Variants in TP53INP1 observed in about 807,000 individuals in gnomAD.
The protein encoded by TP53INP1 is tumor protein p53-inducible nuclear protein 1.
Under a neutral mutation model 21.0 loss-of-function variants are expected in TP53INP1, and 12 were observed. The observed-to-expected ratio is 0.57, with a 90% confidence interval of 0.37 to 0.93. The LOEUF is 0.93. Among genes scored for constraint, TP53INP1 ranks in the 40% least tolerant of loss-of-function variants. The probability of loss-of-function intolerance (pLI) is 0.01; values close to 1 mark genes in which losing one functional copy is unlikely to be tolerated. For synonymous variants in TP53INP1, 91 were observed against 94.8 expected, an observed-to-expected ratio of 0.96 and a Z score of 0.23; for missense variants, 274 against 294.7, an observed-to-expected ratio of 0.93 and a Z score of 0.51.
At chr8:94,944,902 T>C (rs556228143) in intron 1 of TP53INP1, among the ~76,000 whole-genome samples, 42 of 152,296 alleles carry the variant, frequency 2.8e-4, no homozygotes, top group Non-Finnish European at 5.4e-4. Context: ...CTGGTTTAAC[T>C]AGCAAAGCCA....
chr8:94,944,846 C>T (rs1262194442), intron 1 of TP53INP1, among the ~76,000 whole-genome samples: 1 of 152,158 alleles, frequency 6.6e-6, no homozygotes, highest in Non-Finnish European at 1.5e-5. Flanking sequence ...GCTGAATCAC[C>T]TCGTCACTCT....
chr8:94,948,355 G>A (rs1374756891), intron 1 of TP53INP1, among the ~76,000 whole-genome samples: 2 of 152,136 alleles, frequency 1.3e-5, no homozygotes, highest in African/African-American at 2.4e-5. Flanking sequence ...GAATCAACTG[G>A]GGCGATAAAG....
At chr8:94,938,272 T>A (rs760124740) in intron 3 of TP53INP1, among the ~76,000 whole-genome samples, 1 of 152,356 alleles carries the variant, frequency 6.6e-6, no homozygotes, top group Admixed American at 6.5e-5. Flanking sequence ...AATGAATTAC[T>A]GACTGAATGG....
chr8:94,935,956 C>G (rs1563726465), intron 3 of TP53INP1, among the ~76,000 whole-genome samples: 1 of 152,194 alleles, frequency 6.6e-6, no homozygotes, highest in Non-Finnish European at 1.5e-5. Flanking sequence ...TGGGGACCAA[C>G]AGCACTGCCC....
intron 3 of TP53INP1, among the ~76,000 whole-genome samples, chr8:94,931,603 C>T (rs201910691): frequency 2.2e-4 from 9 of 40,844 alleles, no homozygotes; most frequent in Non-Finnish European, 1.5e-4. Flanking sequence ...CACACACACA[C>T]ACACACATAA....
intron 1 of TP53INP1, among the ~76,000 whole-genome samples, chr8:94,946,124 C>T (rs929083213): frequency 2.0e-4 from 30 of 151,046 alleles, no homozygotes; most frequent in African/African-American, 7.3e-4. Flanking sequence ...TTTTCTTCTA[C>T]ACATAAGGCT....
chr8:94,948,959 G>C (rs1045873399), intron 1 of TP53INP1, among the ~76,000 whole-genome samples, 195 bp downstream of exon 1: 3 of 150,742 alleles, frequency 2.0e-5, no homozygotes, highest in African/African-American at 4.8e-5. Context: ...GCCGAGGACC[G>C]ACCCACTGGG....
chr8:94,935,118 G>A (rs200589699), intron 3 of TP53INP1, among the ~76,000 whole-genome samples: 1 of 133,300 alleles, frequency 7.5e-6, no homozygotes, highest in South Asian at 2.5e-4. Flanking sequence ...TAGGTACATA[G>A]GTAGATAGAT....
intron 2 of TP53INP1, among the ~76,000 whole-genome samples, 168 bp from the exon 3 acceptor site, chr8:94,940,388 A>G (rs1172427163): frequency 6.6e-6 from 1 of 152,112 alleles, no homozygotes; most frequent in East Asian, 1.9e-4. Flanking sequence ...TATTTAGTTC[A>G]GAAAACCATT....
chr8:94,930,514 C>T lies in TP53INP1; in HGVS notation c.688G>A (p.Val230Ile). ...TACTGACGCGGGCAGGGCTGATGAA[C>T]AACCCAGCCATTGTGCTTGACTTGC... ...PRQVKHNGWVVHQPCPRQYNY is the reference protein window; with the variant it reads ...PRQVKHNGWVIHQPCPRQYNY Residue 230 changes from valine to isoleucine, a missense_variant, in exon 4 of 4, where the codon GTT (valine) becomes ATT (isoleucine). By Grantham distance (29) the Val-to-Ile change is conservative. Coordinates refer to ENST00000342697, the MANE Select transcript of TP53INP1 (RefSeq NM_033285.4). 6.2e-7 allele frequency: 1 copy of T among 1,614,206 alleles called. No homozygotes were observed. Among genetic ancestry groups the T allele is most frequent in the Non-Finnish European group, 8.5e-7 (1 of 1,180,042 alleles).
chr8:94,929,720 A>G lies in TP53INP1; in HGVS notation c.*759T>C, dbSNP rs1464123933. On this transcript the variant is annotated 3_prime_UTR_variant, in exon 4 of 4. Transcript: ENST00000342697. The stretch of plus-strand genomic sequence containing the variant: ...TAAATACTGCACTAATGGGTTAGTT[A>G]CAGACATGAATTTTTCCAAATATAA... 3 of 152,364 alleles carry G rather than the reference A, an allele frequency of 2.0e-5. No homozygotes were observed. Among genetic ancestry groups the G allele is most frequent in the Non-Finnish European group, 2.9e-5 (2 of 68,036 alleles). 9.4% of individuals were successfully genotyped at this position (152,364 alleles called of 1,614,324 possible).
intron 2 of TP53INP1, 132 bp from the exon 3 acceptor site, chr8:94,940,352 T>G: frequency 1.9e-6 from 2 of 1,029,508 alleles, no homozygotes. Flanking sequence ...GATGATACTA[T>G]TAGCTGATGC....
At chr8:94,946,600 G>C (rs140119056) in intron 1 of TP53INP1, among the ~76,000 whole-genome samples, 3,080 of 149,522 alleles carry the variant, frequency 0.021, 102 homozygotes, top group African/African-American at 0.072. Context: ...GGGAGGCTGA[G>C]GTAGGAGGAT....
chr8:94,946,620 C>A (rs1586757975), intron 1 of TP53INP1, among the ~76,000 whole-genome samples: 1 of 141,020 alleles, frequency 7.1e-6, no homozygotes, highest in South Asian at 2.3e-4. Context: ...TCGCTTGAGC[C>A]CATGAGTTTG....
intron 1 of TP53INP1, among the ~76,000 whole-genome samples, chr8:94,945,859 C>A (rs536034812): frequency 6.6e-6 from 1 of 152,304 alleles, no homozygotes; most frequent in East Asian, 1.9e-4. Context: ...GTTTCCCCGA[C>A]AAGAGAAAAG....
At chr8:94,946,704 A>AAAAAAAAAAAAAAAAAG (rs1822040606) in intron 1 of TP53INP1, among the ~76,000 whole-genome samples, 1 of 146,332 alleles carries the variant, frequency 6.8e-6, no homozygotes, top group Non-Finnish European at 1.5e-5. Context: ...CTCAAAAAAA[A>AAAAAAAAAAAAAAAAAG]AAAAAAAAAA....
At chr8:94,940,766 A>C (rs1027125782) in intron 2 of TP53INP1, 64 bp downstream of exon 2, 27 of 1,258,888 alleles carry the variant, frequency 2.1e-5, no homozygotes, top group Non-Finnish European at 2.8e-5. Context: ...TTATGCAAAA[A>C]CTGAGATGCA....
chr8:94,946,976 A>C (rs1470592087), intron 1 of TP53INP1, among the ~76,000 whole-genome samples: 1 of 152,164 alleles, frequency 6.6e-6, no homozygotes, highest in South Asian at 2.1e-4. Context: ...TTATCCATAA[A>C]ATGTCTACTT....
At chr8:94,934,311 G>A (rs1820751992) in intron 3 of TP53INP1, among the ~76,000 whole-genome samples, 1 of 151,890 alleles carries the variant, frequency 6.6e-6, no homozygotes, top group South Asian at 2.1e-4. Context: ...CAAAGCTGCT[G>A]ACTACACACA....
Sources: allele counts gnomAD v4.1 joint callset (sites outside exome capture counted in the v4.1 genomes callset), GRCh38; gene constraint gnomAD v4.1.1; transcripts MANE v1.5; gene names NCBI Gene and HGNC (gene_info 2026-07-23, HGNC 2026-07-21).